Variants in ENTREP1 observed in about 807,000 individuals in gnomAD.
ENTREP1 encodes Friedreich ataxia region gene X123.
chr9:69,343,348 G>T, the ENTREP1 span, among the ~76,000 whole-genome samples: 1 of 152,192 alleles, frequency 6.6e-6, no homozygotes, highest in Admixed American at 6.5e-5. Context: ...AAGTTTATAA[G>T]ACCCACTTCA....
At chr9:69,340,207 G>A in the ENTREP1 span, among the ~76,000 whole-genome samples, 34 of 152,152 alleles carry the variant, frequency 2.2e-4, no homozygotes, top group Non-Finnish European at 4.6e-4. Flanking sequence ...GTATTTTGGT[G>A]GTGGAGGTTG....
the ENTREP1 span, chr9:69,383,018 T>A: frequency 1.0e-6 from 1 of 984,036 alleles, no homozygotes; most frequent in Non-Finnish European, 1.2e-6. Flanking sequence ...GAATTTTCTG[T>A]CAACGTTGGT....
the ENTREP1 span, among the ~76,000 whole-genome samples, chr9:69,367,886 CAT>C: frequency 1.3e-3 from 171 of 129,962 alleles, 1 homozygote; most frequent in African/African-American, 2.0e-3. Context: ...TATATATACA[CAT>C]ATATATATAC....
the ENTREP1 span, among the ~76,000 whole-genome samples, chr9:69,366,445 C>T: frequency 7.1e-6 from 1 of 141,056 alleles, no homozygotes; most frequent in South Asian, 2.3e-4. Flanking sequence ...GTTATTAGTC[C>T]CTTGTCAGAT....
the ENTREP1 span, chr9:69,392,407 C>T: frequency 5.8e-3 from 895 of 154,220 alleles, 6 homozygotes; most frequent in Middle Eastern, 0.014. Context: ...GCTTGCAAAA[C>T]TAGAGACCCC....
At chr9:69,363,181 G>C in the ENTREP1 span, among the ~76,000 whole-genome samples, 2 of 152,128 alleles carry the variant, frequency 1.3e-5, no homozygotes, top group African/African-American at 4.8e-5. Flanking sequence ...GGCGCCCACT[G>C]TCTCTCACGG....
the ENTREP1 span, among the ~76,000 whole-genome samples, chr9:69,332,687 A>T: frequency 1.3e-5 from 2 of 152,370 alleles, no homozygotes; most frequent in South Asian, 4.1e-4. Context: ...AGAAATAAAG[A>T]TAGCTTAGTT....
At chr9:69,353,868 C>G in the ENTREP1 span, among the ~76,000 whole-genome samples, 1 of 152,026 alleles carries the variant, frequency 6.6e-6, no homozygotes, top group African/African-American at 2.4e-5. Flanking sequence ...TATTGTTGTT[C>G]TTCTTTTTCT....
the ENTREP1 span, among the ~76,000 whole-genome samples, chr9:69,354,036 A>G: frequency 1.4e-4 from 22 of 152,148 alleles, no homozygotes; most frequent in Non-Finnish European, 8.8e-5. Flanking sequence ...ATTTTGAAAT[A>G]AATTTCAGCC....
the ENTREP1 span, among the ~76,000 whole-genome samples, chr9:69,344,383 G>A: frequency 6.6e-6 from 1 of 152,314 alleles, no homozygotes; most frequent in East Asian, 1.9e-4. Context: ...ACCCCTCTGT[G>A]GAGTGAAATG....
the ENTREP1 span, among the ~76,000 whole-genome samples, chr9:69,333,781 C>T: frequency 1.3e-5 from 2 of 152,166 alleles, no homozygotes; most frequent in Non-Finnish European, 2.9e-5. Context: ...GTTATGTTTT[C>T]ACAAGAACAG....
chr9:69,367,736 TATATAC>T, the ENTREP1 span, among the ~76,000 whole-genome samples: 1 of 103,918 alleles, frequency 9.6e-6, no homozygotes, highest in African/African-American at 3.7e-5. Context: ...TAAAAATATA[TATATAC>T]ACATATATAA....
At chr9:69,325,463 C>A in the ENTREP1 span, 10 of 939,248 alleles carry the variant, frequency 1.1e-5, no homozygotes, top group South Asian at 3.8e-4. Flanking sequence ...CGCGCTGCAG[C>A]CCCCGTCGCG....
At chr9:69,360,272 C>T in the ENTREP1 span, among the ~76,000 whole-genome samples, 1 of 152,300 alleles carries the variant, frequency 6.6e-6, no homozygotes, top group South Asian at 2.1e-4. Flanking sequence ...ATTTTCAAAA[C>T]ACAATCACTT....
At chr9:69,347,439 T>C in the ENTREP1 span, among the ~76,000 whole-genome samples, 1 of 152,100 alleles carries the variant, frequency 6.6e-6, no homozygotes, top group African/African-American at 2.4e-5. Flanking sequence ...AACTGTGTTG[T>C]AGGGGGAGCA....
the ENTREP1 span, chr9:69,383,562 C>CG: frequency 1.9e-6 from 3 of 1,596,642 alleles, no homozygotes; most frequent in Non-Finnish European, 2.6e-6. Context: ...AGCCAGTATC[C>CG]GGGCATCACT....
At chr9:69,353,497 C>T in the ENTREP1 span, among the ~76,000 whole-genome samples, 4 of 152,186 alleles carry the variant, frequency 2.6e-5, no homozygotes, top group African/African-American at 7.2e-5. Context: ...GTAGGAAGCA[C>T]CTTCTAAAGT....
At chr9:69,343,185 C>T in the ENTREP1 span, among the ~76,000 whole-genome samples, 496 of 152,266 alleles carry the variant, frequency 3.3e-3, 5 homozygotes, top group African/African-American at 0.011. Flanking sequence ...TTGTTCATGC[C>T]CTTTGTTCTG....
At chr9:69,345,679 T>C in the ENTREP1 span, among the ~76,000 whole-genome samples, 6 of 152,252 alleles carry the variant, frequency 3.9e-5, no homozygotes, top group Non-Finnish European at 7.3e-5. Context: ...CTTGGCCTTC[T>C]GCAACCTCCG....
Sources: gnomAD v4.1 joint callset for allele counts (sites outside exome capture counted in the v4.1 genomes callset) on GRCh38, gnomAD v4.1.1 for gene constraint, MANE v1.5 for transcripts, NCBI Gene and HGNC (gene_info 2026-07-23, HGNC 2026-07-21) for gene names.